Variants in VPS13B observed in about 807,000 individuals in gnomAD.
The protein encoded by VPS13B is intermembrane lipid transfer protein VPS13B.
VPS13B carries 285 observed loss-of-function variants against 426.4 expected under a neutral mutation model. The ratio of observed to expected loss-of-function variants is 0.67; its 90% CI spans 0.61 to 0.74. VPS13B has a LOEUF of 0.74. Among genes scored for constraint, VPS13B ranks in the 30% least tolerant of loss-of-function variants. VPS13B has a pLI of 0.00. For missense variants in VPS13B, 4,537 were observed against 4,782.6 expected (o/e 0.95, Z 1.51); for synonymous variants, 1,676 against 1,676.4 (o/e 1.00, Z 0.01).
intron 17 of VPS13B, among the ~76,000 whole-genome samples, chr8:99,254,285 C>G (rs751389899): frequency 3.3e-5 from 5 of 151,824 alleles, no homozygotes; most frequent in Non-Finnish European, 7.4e-5. Context: ...TTGTTTTCTC[C>G]TTCATTCCTG....
intron 60 of VPS13B, 23 bp downstream of exon 60, chr8:99,870,910 TCAA>T (rs779807482): frequency 6.2e-7 from 1 of 1,606,410 alleles, no homozygotes; most frequent in Admixed American, 1.7e-5. Flanking sequence ...AGATACGTGC[TCAA>T]CTTTACATCC....
chr8:99,814,504 C>T (rs1352404650), intron 44 of VPS13B, among the ~76,000 whole-genome samples: 1 of 152,170 alleles, frequency 6.6e-6, no homozygotes, highest in African/African-American at 2.4e-5. Flanking sequence ...TTCTGTGACA[C>T]AAAAGAAGGG....
intron 19 of VPS13B, among the ~76,000 whole-genome samples, chr8:99,300,339 C>G (rs1359034408): frequency 6.6e-6 from 1 of 152,094 alleles, no homozygotes; most frequent in East Asian, 1.9e-4. Flanking sequence ...GTTACTTATT[C>G]TAAATAATTT....
chr8:99,446,690 A>G (rs532480852), intron 23 of VPS13B, among the ~76,000 whole-genome samples: 1 of 151,938 alleles, frequency 6.6e-6, no homozygotes, highest in Admixed American at 6.6e-5. Context: ...TGTTCTTTGA[A>G]TTTTTCAATG....
intron 23 of VPS13B, among the ~76,000 whole-genome samples, chr8:99,466,184 A>G (rs574652217): frequency 1.3e-5 from 2 of 152,110 alleles, no homozygotes; most frequent in African/African-American, 4.8e-5. Flanking sequence ...AAAAATATAT[A>G]TGAAGGAAAT....
chr8:99,193,449 T>C (rs1326128115), intron 17 of VPS13B, among the ~76,000 whole-genome samples: 2 of 152,092 alleles, frequency 1.3e-5, no homozygotes, highest in Non-Finnish European at 2.9e-5. Context: ...TGGTAAACAA[T>C]TTTTGTGTGT....
intron 33 of VPS13B, among the ~76,000 whole-genome samples, chr8:99,590,244 T>C (rs1826558176): frequency 6.6e-6 from 1 of 152,128 alleles, no homozygotes; most frequent in Admixed American, 6.6e-5. Flanking sequence ...TTATTAGTCT[T>C]GCTAGCAGTC....
At chr8:99,661,155 C>A (rs866431506) in intron 34 of VPS13B, among the ~76,000 whole-genome samples, 199 bp from the exon 35 acceptor site, 1 of 152,058 alleles carries the variant, frequency 6.6e-6, no homozygotes, top group Non-Finnish European at 1.5e-5. Context: ...ATGGTTTTGT[C>A]ATCCCACATT....
intron 33 of VPS13B, among the ~76,000 whole-genome samples, chr8:99,596,153 C>T (rs1827000488): frequency 6.6e-6 from 1 of 151,908 alleles, no homozygotes; most frequent in South Asian, 2.1e-4. Flanking sequence ...ACAACTACTG[C>T]ACTAAAGTAT....
chr8:99,776,656 A>C lies in VPS13B; in HGVS notation c.7248-119A>C, dbSNP rs189508437. On this transcript the variant is annotated intron_variant, in intron 40 of 61. Coordinates refer to ENST00000357162, the MANE Select transcript of VPS13B (RefSeq NM_152564.5). The stretch of plus-strand genomic sequence containing the variant: ...ATAGGAAAATACAGAAGATTTGATA[A>C]AATATTGACTATAGGATTTTCAGTA... 471 of 952,848 alleles carry C rather than the reference A, an allele frequency of 4.9e-4. 4 individuals carry two copies. In the East Asian group the frequency reaches 0.011, roughly 22 times the overall value. The allele number at this position is 952,848 out of a possible 1,614,324, so 59.0% of individuals were successfully genotyped here.
intron 43 of VPS13B, among the ~76,000 whole-genome samples, chr8:99,806,613 A>G (rs192229311): frequency 7.7e-4 from 117 of 152,308 alleles, no homozygotes; most frequent in African/African-American, 2.7e-3. Flanking sequence ...TCCTTATAGT[A>G]CTTGAGTAAT....
At chr8:99,670,598 C>G (rs910223552) in intron 35 of VPS13B, among the ~76,000 whole-genome samples, 2 of 152,018 alleles carry the variant, frequency 1.3e-5, no homozygotes, top group Non-Finnish European at 2.9e-5. Context: ...ATACATCCTG[C>G]AAAACTGAAA....
At chr8:99,824,566 T>C (rs1483829862) in intron 51 of VPS13B, among the ~76,000 whole-genome samples, 2 of 152,088 alleles carry the variant, frequency 1.3e-5, no homozygotes, top group East Asian at 3.8e-4. Context: ...GATTTTTTTT[T>C]CTCTCCATTA....
chr8:99,425,568 A>G (rs1178364685), intron 21 of VPS13B, among the ~76,000 whole-genome samples: 1 of 152,192 alleles, frequency 6.6e-6, no homozygotes, highest in Non-Finnish European at 1.5e-5. Context: ...ATGTATCTCA[A>G]AATAATAAGA....
chr8:99,140,447 G>A (rs1191371353), intron 12 of VPS13B, among the ~76,000 whole-genome samples: 3 of 149,134 alleles, frequency 2.0e-5, no homozygotes, highest in African/African-American at 7.4e-5. Context: ...TGTAATAAAT[G>A]ATAAAATAGT....
Position 99,298,972 on chromosome 8 carries a change from A to G in VPS13B, c.2824+23718A>G, listed in dbSNP as rs565191138. ...CAGGGATGGTTTTTGATGGTCAGAAACACTCTTAGAGTTAGATGTGATCTG... is the reference window on the plus strand; with the variant it reads ...CAGGGATGGTTTTTGATGGTCAGAAGCACTCTTAGAGTTAGATGTGATCTG... On this transcript the variant is annotated intron_variant, in intron 19 of 61. Transcript: ENST00000357162. 2.0e-5 allele frequency among the ~76,000 whole-genome samples: 3 copies of G among 152,114 alleles called. No individual in the cohort carries two copies. The South Asian group carries it at 6.2e-4, about 32-fold the overall frequency.
intron 3 of VPS13B, among the ~76,000 whole-genome samples, chr8:99,061,806 ATGT>A (rs1057483381): frequency 4.1e-4 from 62 of 152,270 alleles, no homozygotes; most frequent in African/African-American, 1.2e-3. Flanking sequence ...ATTTGTGCTA[ATGT>A]TGTCATAACT....
chr8:99,210,351 A>G (rs1815006619), intron 17 of VPS13B, among the ~76,000 whole-genome samples: 1 of 152,030 alleles, frequency 6.6e-6, no homozygotes, highest in Admixed American at 6.6e-5. Context: ...TCTCAAACAC[A>G]TCTCCCATTG....
At chr8:99,576,882 G>A (rs989754087) in intron 32 of VPS13B, among the ~76,000 whole-genome samples, 5 of 152,120 alleles carry the variant, frequency 3.3e-5, no homozygotes, top group African/African-American at 1.2e-4. Context: ...AATTAGTCTA[G>A]CTGTCTTTAG....
Sources: gnomAD v4.1 joint callset for allele counts (sites outside exome capture counted in the v4.1 genomes callset) on GRCh38, gnomAD v4.1.1 for gene constraint, MANE v1.5 for transcripts, NCBI Gene and HGNC (gene_info 2026-07-23, HGNC 2026-07-21) for gene names.